GLDC: variants seen among roughly 807,000 people sequenced by gnomAD.
GLDC encodes the protein glycine decarboxylase.
In GLDC, 104 loss-of-function variants were observed where a neutral mutation model predicts 121.3. The ratio of observed to expected loss-of-function variants is 0.86; its 90% CI spans 0.73 to 1.01. The LOEUF is 1.01. Ranked by LOEUF, GLDC falls within the 50% of genes least tolerant of loss-of-function variation. The probability of loss-of-function intolerance (pLI) is 0.00; values close to 1 mark genes in which losing one functional copy is unlikely to be tolerated. For synonymous variants in GLDC, 546 were observed against 480.6 expected (o/e 1.14, Z -1.78); for missense variants, 1,429 against 1,306.6 (o/e 1.09, Z -1.44).
chr9:6,611,822 ATG>A (rs751218754), intron 3 of GLDC, among the ~76,000 whole-genome samples: 1 of 152,162 alleles, frequency 6.6e-6, no homozygotes, highest in Non-Finnish European at 1.5e-5. Context: ...ACTAGATTGT[ATG>A]TGTGTATTCC....
intron 17 of GLDC, among the ~76,000 whole-genome samples, chr9:6,556,585 G>A (rs1817635909): frequency 6.6e-6 from 1 of 152,182 alleles, no homozygotes. Context: ...CTAAGGTCAA[G>A]AATTCGAGAC....
At chr9:6,593,287 A>ATATATATATATATATATATAT (rs1377266695) in intron 9 of GLDC, among the ~76,000 whole-genome samples, 2 of 149,782 alleles carry the variant, frequency 1.3e-5, no homozygotes, top group African/African-American at 4.9e-5. Flanking sequence ...ATATATATAT[A>ATATATATATATATATATATAT]AAATTATACC....
chr9:6,563,996 A>G (rs1436330745), intron 16 of GLDC, among the ~76,000 whole-genome samples: 4 of 152,022 alleles, frequency 2.6e-5, no homozygotes, highest in African/African-American at 9.7e-5. Flanking sequence ...CTATAATCCC[A>G]GCACTTTGAG....
Position 6,589,307 on chromosome 9 carries a change from C to G in GLDC, c.1483-15G>C, listed in dbSNP as rs371777070. The G allele has an allele frequency of 1.0e-4, 159 of 1,520,274 alleles. No homozygotes were observed. Among genetic ancestry groups the G allele is most frequent in the South Asian group, 1.0e-3 (92 of 89,156 alleles). The allele number at this position is 1,520,274 out of a possible 1,614,324, so 94.2% of individuals were successfully genotyped here. On this transcript the variant is annotated splice_polypyrimidine_tract_variant and intron_variant, in intron 11 of 24. Coordinates refer to ENST00000321612, the MANE Select transcript of GLDC (RefSeq NM_000170.3). The stretch of plus-strand genomic sequence containing the variant: ...GCAACCAGTTCCTGAAGGAGAAACA[C>G]AGAGATGATAGGGCCAGAACTGTGC...
At chr9:6,537,112 C>T (rs893614273) in intron 22 of GLDC, among the ~76,000 whole-genome samples, 2 of 151,530 alleles carry the variant, frequency 1.3e-5, no homozygotes, top group African/African-American at 2.4e-5. Context: ...CTCACTGCAG[C>T]CTCAACCTCC....
chr9:6,605,056 CAG>C (rs926294990), intron 6 of GLDC, 73 bp downstream of exon 6: 52 of 1,351,514 alleles, frequency 3.8e-5, no homozygotes, highest in Middle Eastern at 2.5e-4. Context: ...CATGAAAAGA[CAG>C]AGAGAGAGAT....
At chr9:6,535,817 G>T in intron 23 of GLDC, 1 of 531,774 alleles carries the variant, frequency 1.9e-6, no homozygotes, top group Non-Finnish European at 3.4e-6. Context: ...CAGAGATGCA[G>T]AATGTTACAA....
chr9:6,544,993 G>A (rs1168777868), intron 21 of GLDC, among the ~76,000 whole-genome samples: 2 of 152,062 alleles, frequency 1.3e-5, no homozygotes, highest in African/African-American at 2.4e-5. Flanking sequence ...CAGCTACTCA[G>A]GAGGCTGAGG....
chr9:6,558,437 G>A, intron 17 of GLDC, 122 bp downstream of exon 17: 1 of 1,156,084 alleles, frequency 8.6e-7, no homozygotes, highest in Non-Finnish European at 1.3e-6. Flanking sequence ...CTGGTCAAAG[G>A]AAGAACTGCA....
At chr9:6,537,202 G>T (rs1057263231) in intron 22 of GLDC, among the ~76,000 whole-genome samples, 10 of 151,978 alleles carry the variant, frequency 6.6e-5, no homozygotes, top group African/African-American at 2.4e-4. Context: ...AGCTAATTTT[G>T]TTGTTGTTGC....
chr9:6,598,955 C>T (rs547470986), intron 8 of GLDC, among the ~76,000 whole-genome samples: 19 of 152,060 alleles, frequency 1.2e-4, no homozygotes, highest in African/African-American at 4.1e-4. Context: ...CCAAGGCGGG[C>T]GGATCACCTG....
At chr9:6,542,810 C>T (rs1817296245) in intron 21 of GLDC, among the ~76,000 whole-genome samples, 1 of 148,614 alleles carries the variant, frequency 6.7e-6, no homozygotes, top group African/African-American at 2.5e-5. Flanking sequence ...CATTTGAGCC[C>T]AGGAGGTCAA....
intron 24 of GLDC, 118 bp from the exon 25 acceptor site, chr9:6,533,278 G>C: frequency 1.1e-6 from 1 of 902,060 alleles, no homozygotes; most frequent in Non-Finnish European, 1.9e-6. Context: ...CAAATATTCT[G>C]AGAACCTAAA....
chr9:6,582,802 C>G (rs1353082400), intron 15 of GLDC, among the ~76,000 whole-genome samples: 1 of 150,524 alleles, frequency 6.6e-6, no homozygotes, highest in Non-Finnish European at 1.5e-5. Context: ...GCACTCCAGT[C>G]TGGGCGACAG....
intron 15 of GLDC, among the ~76,000 whole-genome samples, chr9:6,580,411 C>G (rs1395239885): frequency 1.3e-5 from 2 of 152,182 alleles, no homozygotes; most frequent in Admixed American, 1.3e-4. Context: ...CCCTCGGAAC[C>G]AACAAGGCTG....
chr9:6,561,382 C>G (rs1353359576), intron 16 of GLDC, among the ~76,000 whole-genome samples: 1 of 152,162 alleles, frequency 6.6e-6, no homozygotes, highest in Non-Finnish European at 1.5e-5. Context: ...GGCGAGGTTG[C>G]TCATGTCTGT....
intron 2 of GLDC, among the ~76,000 whole-genome samples, chr9:6,634,258 TGA>T (rs1563872244): frequency 6.6e-6 from 1 of 151,768 alleles, no homozygotes. Flanking sequence ...CCCAAAACCA[TGA>T]GTCTCATGCC....
Position 6,645,672 on chromosome 9 carries a change from A to C in GLDC, c.-173T>G, listed in dbSNP as rs1039584725. ...CGGGCAATGAATGGGCGCTGCGCTC[A>C]ACCAAGACACTCGCGCAAAGTTGTG... On this transcript the variant is annotated 5_prime_UTR_variant, in exon 1 of 25. Transcript: ENST00000321612. The C allele has an allele frequency of 1.6e-5, 6 of 383,314 alleles. No individual in the cohort carries two copies. The highest frequency in any genetic ancestry group is 2.5e-5 in the Non-Finnish European group (6 of 236,166). 23.7% of individuals were successfully genotyped at this position (383,314 alleles called of 1,614,324 possible).
chr9:6,581,802 A>T (rs1354201556), intron 15 of GLDC, among the ~76,000 whole-genome samples: 1 of 152,180 alleles, frequency 6.6e-6, no homozygotes, highest in Non-Finnish European at 1.5e-5. Context: ...TAAGGTGCAA[A>T]TCCTTTATAT....
Sources: gnomAD v4.1 joint callset for allele counts (sites outside exome capture counted in the v4.1 genomes callset) on GRCh38, gnomAD v4.1.1 for gene constraint, MANE v1.5 for transcripts, NCBI Gene and HGNC (gene_info 2026-07-23, HGNC 2026-07-21) for gene names.